Variants in TGFBR2 observed in about 807,000 individuals in gnomAD.
TGFBR2 encodes transforming growth factor beta receptor 2.
TGFBR2 carries 18 observed loss-of-function variants against 49.0 expected under a neutral mutation model. The ratio of observed to expected loss-of-function variants is 0.37; its 90% confidence interval spans 0.25 to 0.54. The LOEUF (loss-of-function observed/expected upper bound fraction) is 0.54. Ranked by LOEUF, TGFBR2 falls within the 20% of genes least tolerant of loss-of-function variation. The probability of loss-of-function intolerance (pLI) is 0.85; values close to 1 mark genes in which losing one functional copy is unlikely to be tolerated. For missense variants in TGFBR2, 525 were observed against 722.6 expected, an observed-to-expected ratio of 0.73 and a Z score of 3.13; for synonymous variants, 282 against 275.9, an observed-to-expected ratio of 1.02 and a Z score of -0.22.
chr3:30,687,423 C>T (rs1350684045), intron 5 of TGFBR2, among the ~76,000 whole-genome samples: 5 of 152,026 alleles, frequency 3.3e-5, no homozygotes, highest in East Asian at 1.9e-4. Flanking sequence ...TAGAGGATCT[C>T]GCTATGTTGC....
intron 3 of TGFBR2, 22 bp downstream of exon 3, chr3:30,650,482 G>T (rs1418521630): frequency 1.2e-6 from 2 of 1,613,356 alleles, no homozygotes; most frequent in African/African-American, 2.7e-5. Context: ...TCTCTTAAGG[G>T]TGTGGGACCT....
At chr3:30,657,985 G>A (rs940828950) in intron 3 of TGFBR2, among the ~76,000 whole-genome samples, 26 of 152,320 alleles carry the variant, frequency 1.7e-4, no homozygotes, top group Admixed American at 4.6e-4. Context: ...GAAGCATACC[G>A]AGCAGGGGTC....
intron 1 of TGFBR2, among the ~76,000 whole-genome samples, chr3:30,615,321 G>A (rs1698110398): frequency 6.6e-6 from 1 of 152,172 alleles, no homozygotes; most frequent in Non-Finnish European, 1.5e-5. Context: ...CCCTGGCAAT[G>A]TGGTTAACAA....
Position 30,606,606 on chromosome 3 carries a change from C to T in TGFBR2, c.-278C>T. On this transcript the variant is annotated 5_prime_UTR_variant, in exon 1 of 7. Transcript: ENST00000295754. The stretch of plus-strand genomic sequence containing the variant: ...GAGTTGAAGTTGAGTGAGTCACTCG[C>T]GCGCACGGAGCGACGACACCCCCGC... 2.9e-6 allele frequency: 1 copy of T among 347,360 alleles called. No individual in the cohort carries two copies. The highest frequency in any genetic ancestry group is 5.2e-6 in the Non-Finnish European group (1 of 191,786). The allele number at this position is 347,360 out of a possible 1,614,324, so 21.5% of individuals were successfully genotyped here.
chr3:30,686,060 A>C (rs1227455525), intron 5 of TGFBR2, among the ~76,000 whole-genome samples: 5 of 152,230 alleles, frequency 3.3e-5, no homozygotes, highest in African/African-American at 1.2e-4. Context: ...AGCTCAGTTC[A>C]GTATATTCAT....
At chr3:30,681,832 A>C (rs1575162532) in intron 5 of TGFBR2, among the ~76,000 whole-genome samples, 1 of 152,112 alleles carries the variant, frequency 6.6e-6, no homozygotes, top group Admixed American at 6.5e-5. Context: ...CTGGAACAAG[A>C]ATTTGAGTAC....
intron 1 of TGFBR2, among the ~76,000 whole-genome samples, chr3:30,638,490 T>G (rs1266227413): frequency 6.6e-6 from 1 of 152,204 alleles, no homozygotes; most frequent in East Asian, 1.9e-4. Flanking sequence ...AGAGACCATG[T>G]GGACTGTCAG....
intron 3 of TGFBR2, among the ~76,000 whole-genome samples, chr3:30,651,419 C>T (rs1698884296): frequency 6.6e-6 from 1 of 152,156 alleles, no homozygotes; most frequent in Non-Finnish European, 1.5e-5. Flanking sequence ...TCTGTCCATC[C>T]TTCCATCCAC....
intron 6 of TGFBR2, 54 bp downstream of exon 6, chr3:30,688,565 G>T (rs188815163): frequency 4.6e-4 from 735 of 1,609,644 alleles, no homozygotes; most frequent in Non-Finnish European, 6.0e-4. Flanking sequence ...TTGCCTCTTA[G>T]GTGGCAGAGA....
chr3:30,660,055 T>C (rs1305926405), intron 3 of TGFBR2, among the ~76,000 whole-genome samples: 1 of 152,172 alleles, frequency 6.6e-6, no homozygotes, highest in Non-Finnish European at 1.5e-5. Flanking sequence ...TTGTGGAAAA[T>C]ATCAATTTTG....
Position 30,672,185 on chromosome 3 carries a change from G to A in TGFBR2, c.1002G>A (p.Gln334=). 6.2e-7 allele frequency: 1 copy of A among 1,613,320 alleles called. No individual in the cohort carries two copies. The highest frequency in any genetic ancestry group is 1.3e-5 in the African/African-American group (1 of 75,058). Residue 334 remains glutamine, a synonymous_variant, in exon 4 of 7, where the codon CAG becomes CAA. Transcript: ENST00000295754. This position sits in a 1 kb window ranked among gnomAD's most constrained non-coding sequence, Gnocchi z 4.5. ...CCTTCCACGCCAAGGGCAACCTACA[G>A]GAGTACCTGACGCGGCATGTCATCA... ...ITAFHAKGNL[Q]EYLTRHVISW... is the part of the protein sequence containing the mutation.
chr3:30,668,681 G>A (rs945812198), intron 3 of TGFBR2, among the ~76,000 whole-genome samples: 4 of 151,996 alleles, frequency 2.6e-5, no homozygotes, highest in African/African-American at 9.7e-5. Context: ...GCCTCCCAGT[G>A]TAAGAATTTA....
chr3:30,608,162 C>T (rs1250212405), intron 1 of TGFBR2, among the ~76,000 whole-genome samples: 1 of 151,988 alleles, frequency 6.6e-6, no homozygotes, highest in Non-Finnish European at 1.5e-5. Context: ...TGGTCTCGAT[C>T]TCTTGACCTC....
rs1699357219 is a variant in TGFBR2, at chr3:30,672,280, C to A, written c.1097C>A (p.Thr366Asn). Residue 366 changes from threonine to asparagine, a missense_variant, in exon 4 of 7, where the codon ACT (threonine) becomes AAT (asparagine). By Grantham distance (65) the Thr-to-Asn change is moderately conservative. Transcript: ENST00000295754. This position sits in a 1 kb window ranked among gnomAD's most constrained non-coding sequence, Gnocchi z 4.5. ...RGIAHLHSDHTPCGRPKMPIV... is the reference protein window; with the variant it reads ...RGIAHLHSDHNPCGRPKMPIV... ...ATTGCTCACCTCCACAGTGATCACA[C>A]TCCATGTGGGAGGCCCAAGATGCCC... is the stretch of plus-strand genomic sequence containing the variant. 1 of 1,604,844 alleles carries A rather than the reference C, an allele frequency of 6.2e-7. No individual in the cohort carries two copies.
chr3:30,663,979 G>T (rs11713706), intron 3 of TGFBR2, among the ~76,000 whole-genome samples: 33,135 of 106,520 alleles, frequency 0.31, 4,491 homozygotes, highest in African/African-American at 0.46. Flanking sequence ...TAACTTTTTT[G>T]GGGGGGGGAG....
intron 1 of TGFBR2, among the ~76,000 whole-genome samples, chr3:30,637,823 G>A (rs548869706): frequency 5.9e-5 from 9 of 152,090 alleles, no homozygotes; most frequent in Non-Finnish European, 1.0e-4. Context: ...ACACTGCAGC[G>A]AATTTATCAA....
intron 5 of TGFBR2, among the ~76,000 whole-genome samples, chr3:30,684,465 C>T (rs556149696): frequency 6.6e-6 from 1 of 152,312 alleles, no homozygotes; most frequent in East Asian, 1.9e-4. Context: ...TGCAGATCCC[C>T]ATCCGTACTC....
chr3:30,658,606 G>A (rs1283541612), intron 3 of TGFBR2, among the ~76,000 whole-genome samples: 2 of 152,196 alleles, frequency 1.3e-5, no homozygotes, highest in Admixed American at 6.5e-5. Flanking sequence ...AGCATTTAGT[G>A]TGGTGATGTG....
At chr3:30,614,062 T>C (rs570294481) in intron 1 of TGFBR2, among the ~76,000 whole-genome samples, 93 of 152,188 alleles carry the variant, frequency 6.1e-4, no homozygotes, top group African/African-American at 2.1e-3. Flanking sequence ...ATGTAGTTTT[T>C]CTTAGTTTGC....
Sources: gnomAD v4.1 joint callset for allele counts (sites outside exome capture counted in the v4.1 genomes callset) on GRCh38, gnomAD v4.1.1 for gene constraint, Gnocchi (gnomAD v3.1) non-coding constraint, MANE v1.5 for transcripts, NCBI Gene and HGNC (gene_info 2026-07-23, HGNC 2026-07-21) for gene names.